Variants in PLCB4 observed in about 807,000 individuals in gnomAD.
PLCB4 encodes 1-phosphatidylinositol 4,5-bisphosphate phosphodiesterase beta-4.
PLCB4 carries 77 observed loss-of-function variants against 178.8 expected under a neutral mutation model. That is an observed-to-expected ratio of 0.43 (90% CI 0.36 to 0.52). PLCB4 has a LOEUF of 0.52. PLCB4 is among the 20% of genes least tolerant of loss of function. The pLI is 0.00. For synonymous variants in PLCB4, 496 were observed against 490.8 expected, an observed-to-expected ratio of 1.01 and a Z score of -0.14; for missense variants, 1,024 against 1,453.4, an observed-to-expected ratio of 0.70 and a Z score of 4.80.
intron 2 of PLCB4, among the ~76,000 whole-genome samples, chr20:9,125,468 G>T (rs2092088151): frequency 6.6e-6 from 1 of 152,008 alleles, no homozygotes; most frequent in Non-Finnish European, 1.5e-5. Flanking sequence ...CTAAAGTAGA[G>T]AATAAAATAG....
At chr20:9,444,829 C>T (rs1310723413) in intron 32 of PLCB4, among the ~76,000 whole-genome samples, 1 of 152,130 alleles carries the variant, frequency 6.6e-6, no homozygotes, top group African/African-American at 2.4e-5. Context: ...GCTCACAATT[C>T]TAGCCACTAG....
intron 7 of PLCB4, among the ~76,000 whole-genome samples, chr20:9,343,620 T>G (rs887608368): frequency 2.0e-5 from 3 of 152,232 alleles, no homozygotes; most frequent in African/African-American, 7.2e-5. Flanking sequence ...TCAGCTTCTC[T>G]CTCTGCTTTG....
intron 3 of PLCB4, among the ~76,000 whole-genome samples, chr20:9,272,863 G>A (rs2094417020): frequency 6.7e-6 from 1 of 149,028 alleles, no homozygotes. Context: ...GACTTACCTT[G>A]TGAGCTTCTG....
At chr20:9,333,287 G>A (rs1180055966) in intron 4 of PLCB4, among the ~76,000 whole-genome samples, 5 of 152,150 alleles carry the variant, frequency 3.3e-5, no homozygotes, top group African/African-American at 9.7e-5. Context: ...GCATTCTGGT[G>A]TGGGAGTCAG....
chr20:9,197,811 A>G (rs556252342), intron 2 of PLCB4, among the ~76,000 whole-genome samples: 20 of 152,310 alleles, frequency 1.3e-4, no homozygotes, highest in South Asian at 6.2e-4. Flanking sequence ...CCCCGTTTCT[A>G]CTAAAATACA....
chr20:9,373,840 A>G (rs1313307527), intron 12 of PLCB4, among the ~76,000 whole-genome samples: 1 of 152,240 alleles, frequency 6.6e-6, no homozygotes, highest in Non-Finnish European at 1.5e-5. Flanking sequence ...TTTTCTTCAC[A>G]CATACAAAAA....
intron 2 of PLCB4, among the ~76,000 whole-genome samples, chr20:9,131,210 A>G (rs1246052835): frequency 1.3e-5 from 2 of 152,122 alleles, no homozygotes; most frequent in African/African-American, 4.8e-5. Context: ...CAATTGATTT[A>G]TCAACCAATT....
chr20:9,286,831 C>T (rs1349924468), intron 3 of PLCB4, among the ~76,000 whole-genome samples: 4 of 151,962 alleles, frequency 2.6e-5, no homozygotes. Flanking sequence ...TTTGTATAGA[C>T]TTTCCATCCC....
At chr20:9,224,179 A>G (rs2147307971) in intron 3 of PLCB4, among the ~76,000 whole-genome samples, 1 of 152,270 alleles carries the variant, frequency 6.6e-6, no homozygotes, top group African/African-American at 2.4e-5. Flanking sequence ...TTTGGGCAAT[A>G]TCATCTGCCT....
intron 19 of PLCB4, among the ~76,000 whole-genome samples, chr20:9,396,276 T>C (rs1018217158): frequency 6.6e-6 from 1 of 152,190 alleles, no homozygotes; most frequent in African/African-American, 2.4e-5. Context: ...CTTGAGTCTG[T>C]TAATGATGAG....
chr20:9,422,254 A>AAAATAGGG (rs2040695038), intron 27 of PLCB4, among the ~76,000 whole-genome samples: 1 of 152,204 alleles, frequency 6.6e-6, no homozygotes, highest in African/African-American at 2.4e-5. Flanking sequence ...TTTCCTTAAC[A>AAAATAGGG]AAATAGGGAT....
At chr20:9,395,873 G>T (rs1400303998) in intron 19 of PLCB4, among the ~76,000 whole-genome samples, 2 of 152,132 alleles carry the variant, frequency 1.3e-5, no homozygotes, top group African/African-American at 4.8e-5. Context: ...TGGGGAGGCT[G>T]AGGCAGTAGG....
intron 3 of PLCB4, among the ~76,000 whole-genome samples, chr20:9,299,346 A>T (rs2094677708): frequency 1.3e-5 from 2 of 152,222 alleles, no homozygotes; most frequent in Non-Finnish European, 2.9e-5. Context: ...TGAATATTTT[A>T]AAATACAGGG....
rs572276849 is a variant in PLCB4 at position 9,358,848 on chromosome 20, G to A, written c.370-4048G>A. On this transcript the variant is annotated intron_variant, in intron 7 of 39. Coordinates refer to ENST00000378473, the MANE Select transcript of PLCB4 (RefSeq NM_001377142.1). ...TGGGAGGTAGAGGTTGCAGTGAACC[G>A]AGATCCCACCACTGCACTCCAACCT... Among the ~76,000 whole-genome samples the A allele has an allele frequency of 1.1e-4, 17 of 151,918 alleles. No individual in the cohort carries two copies. The East Asian group carries it at 1.9e-3, about 17-fold the overall frequency.
chr20:9,442,541 A>C (rs2042172664), intron 30 of PLCB4, among the ~76,000 whole-genome samples: 1 of 152,120 alleles, frequency 6.6e-6, no homozygotes, highest in Non-Finnish European at 1.5e-5. Flanking sequence ...ATAAAAATTG[A>C]GAGAGAGAGT....
At chr20:9,441,750 G>C (rs968790661) in intron 30 of PLCB4, among the ~76,000 whole-genome samples, 6 of 152,134 alleles carry the variant, frequency 3.9e-5, no homozygotes, top group African/African-American at 1.4e-4. Context: ...TCAGACGCTG[G>C]CAATTGGAAG....
At chr20:9,288,185 T>C (rs944339832) in intron 3 of PLCB4, among the ~76,000 whole-genome samples, 1 of 152,132 alleles carries the variant, frequency 6.6e-6, no homozygotes, top group Non-Finnish European at 1.5e-5. Flanking sequence ...TTTGTTGATA[T>C]GGTTCTTAAA....
chr20:9,158,607 G>A (rs996650772), intron 2 of PLCB4, among the ~76,000 whole-genome samples: 3 of 150,484 alleles, frequency 2.0e-5, no homozygotes, highest in Admixed American at 6.6e-5. Context: ...GTACAAAACA[G>A]TATTTAAAAG....
chr20:9,204,057 C>A (rs2093585670), intron 2 of PLCB4, among the ~76,000 whole-genome samples: 1 of 151,766 alleles, frequency 6.6e-6, no homozygotes, highest in Non-Finnish European at 1.5e-5. Context: ...TGGCTCTGAA[C>A]AGGAAACCCA....
Sources: allele counts gnomAD v4.1 joint callset (sites outside exome capture counted in the v4.1 genomes callset), GRCh38; gene constraint gnomAD v4.1.1; transcripts MANE v1.5; gene names NCBI Gene and HGNC (gene_info 2026-07-23, HGNC 2026-07-21).